Variants in NELL2 observed in about 807,000 individuals in gnomAD.
The protein encoded by NELL2 is neural EGFL like 2.
NELL2 carries 41 observed loss-of-function variants against 109.6 expected under a neutral mutation model. That is an observed-to-expected ratio of 0.37 (90% confidence interval 0.29 to 0.49). The LOEUF is 0.49. NELL2 is among the 20% of genes least tolerant of loss of function. The pLI is 0.98. For synonymous variants in NELL2, 355 were observed against 344.7 expected (o/e 1.03, Z -0.33); for missense variants, 900 against 1,008.3 (o/e 0.89, Z 1.45).
At chr12:44,828,601 A>C (rs561178868) in intron 2 of NELL2, among the ~76,000 whole-genome samples, 1 of 152,326 alleles carries the variant, frequency 6.6e-6, no homozygotes, top group African/African-American at 2.4e-5. Context: ...TTAATCAACT[A>C]ATCAAACAAA....
chr12:44,800,027 G>C (rs1942776420), intron 3 of NELL2, among the ~76,000 whole-genome samples: 1 of 152,046 alleles, frequency 6.6e-6, no homozygotes, highest in Non-Finnish European at 1.5e-5. Context: ...TCCTCAGAAT[G>C]CATTCACTCT....
At chr12:44,595,733 G>A (rs1011724441) in intron 15 of NELL2, among the ~76,000 whole-genome samples, 2 of 151,562 alleles carry the variant, frequency 1.3e-5, no homozygotes, top group East Asian at 1.9e-4. Flanking sequence ...GAGCCACCAC[G>A]CCTGGCCCCT....
intron 15 of NELL2, among the ~76,000 whole-genome samples, chr12:44,557,334 T>C (rs1300082112): frequency 6.6e-6 from 1 of 152,212 alleles, no homozygotes; most frequent in Non-Finnish European, 1.5e-5. Flanking sequence ...AAAATTCTTT[T>C]TCTGGTCTTA....
At position 44,876,151 on chromosome 12, in the gene NELL2, C is replaced by A. The variant is rs1945314885; in HGVS notation, c.-282G>T. On this transcript the variant is annotated 5_prime_UTR_variant, in exon 1 of 20. Transcript: ENST00000429094. The stretch of plus-strand genomic sequence containing the variant: ...GCCCGGAGGGAGGGGTCGGACTCGC[C>A]CCGGCGCGGCTCCGTCGGGGAATTA... 7.9e-7 allele frequency: 1 copy of A among 1,265,966 alleles called. No individual in the cohort carries two copies. The highest frequency in any genetic ancestry group is 1.0e-6 in the Non-Finnish European group (1 of 1,003,332). 78.4% of individuals were successfully genotyped at this position (1,265,966 alleles called of 1,614,324 possible).
At chr12:44,638,213 T>A (rs1343762131) in intron 13 of NELL2, among the ~76,000 whole-genome samples, 1 of 152,134 alleles carries the variant, frequency 6.6e-6, no homozygotes, top group African/African-American at 2.4e-5. Context: ...AAGGTGATTT[T>A]TAGACTTATT....
chr12:44,537,185 T>G (rs1454240117), intron 15 of NELL2, among the ~76,000 whole-genome samples: 3 of 151,614 alleles, frequency 2.0e-5, no homozygotes, highest in Non-Finnish European at 4.4e-5. Flanking sequence ...CAATGGCTTT[T>G]GCCAGCAGCA....
chr12:44,863,949 G>T (rs145123608), intron 2 of NELL2, among the ~76,000 whole-genome samples: 1 of 151,808 alleles, frequency 6.6e-6, no homozygotes, highest in East Asian at 1.9e-4. Flanking sequence ...AATGTGTAGA[G>T]TTTTTCTTAT....
chr12:44,733,575 T>TA (rs1939484887), intron 9 of NELL2, among the ~76,000 whole-genome samples: 1 of 151,968 alleles, frequency 6.6e-6, no homozygotes, highest in African/African-American at 2.4e-5. Flanking sequence ...AATAAGGAGT[T>TA]TCTATTCAAT....
intron 15 of NELL2, among the ~76,000 whole-genome samples, chr12:44,601,929 A>G (rs1028897258): frequency 1.3e-5 from 2 of 152,170 alleles, no homozygotes; most frequent in African/African-American, 2.4e-5. Flanking sequence ...CTTGACCACT[A>G]TGTTAAATTC....
At chr12:44,882,867 G>A (rs1945431122) in intron 1 of NELL2, among the ~76,000 whole-genome samples, 1 of 123,324 alleles carries the variant, frequency 8.1e-6, no homozygotes, top group Non-Finnish European at 1.6e-5. Context: ...TTGAGACAGA[G>A]TCTCCTTCTG....
intron 2 of NELL2, among the ~76,000 whole-genome samples, chr12:44,838,367 C>G (rs1944118982): frequency 1.3e-5 from 2 of 152,112 alleles, no homozygotes; most frequent in Admixed American, 1.3e-4. Flanking sequence ...GTATCAGTCC[C>G]TTGCCACACA....
At chr12:44,663,805 C>T (rs1947829833) in intron 13 of NELL2, among the ~76,000 whole-genome samples, 1 of 152,200 alleles carries the variant, frequency 6.6e-6, no homozygotes, top group South Asian at 2.1e-4. Flanking sequence ...ATATCCTGCC[C>T]TGCAGAAATA....
At chr12:44,745,125 C>T (rs1289656263) in intron 9 of NELL2, among the ~76,000 whole-genome samples, 1 of 152,178 alleles carries the variant, frequency 6.6e-6, no homozygotes, top group Non-Finnish European at 1.5e-5. Flanking sequence ...GGGCTTCATC[C>T]CTGGGATGCA....
chr12:44,610,921 T>C lies in NELL2; in HGVS notation c.1494A>G (p.Leu498=), dbSNP rs1262971877. ...TGTGTCCTCCAACAGTGTTGAAGCA[T>C]AAAGCATTTTCATCACAGTTGTGCT... ...TNQHNCDENA[L]CFNTVGGHNC... is the part of the protein sequence containing the mutation. The change falls in exon 14 of 20, where the codon TTA becomes TTG. Residue 498 remains leucine (L), a synonymous_variant. Transcript: ENST00000429094. 1 of 1,612,922 alleles carries C rather than the reference T, an allele frequency of 6.2e-7. No homozygotes were observed. Among genetic ancestry groups the C allele is most frequent in the Non-Finnish European group, 8.5e-7 (1 of 1,179,268 alleles).
intron 9 of NELL2, among the ~76,000 whole-genome samples, chr12:44,738,387 C>T (rs1939764057): frequency 6.6e-6 from 1 of 151,130 alleles, no homozygotes; most frequent in African/African-American, 2.4e-5. Context: ...AGCCAAGATA[C>T]AGAAACATGG....
rs992575195 is a variant in NELL2 at position 44,795,001 on chromosome 12, T to C, written c.336-14979A>G. Among the ~76,000 whole-genome samples the C allele has an allele frequency of 3.9e-5, 6 of 152,220 alleles. No homozygotes were observed. In the South Asian group the frequency reaches 6.2e-4, roughly 16 times the overall value. ...CCTTGTTAGTCAAATATCCTTTGCA[T>C]TGGCAGAAACATAAACTAACTTAAG... On this transcript the variant is annotated intron_variant, in intron 3 of 19. Transcript: ENST00000429094.
At chr12:44,712,966 G>A (rs1260740189) in intron 10 of NELL2, among the ~76,000 whole-genome samples, 1 of 151,764 alleles carries the variant, frequency 6.6e-6, no homozygotes, top group African/African-American at 2.4e-5. Flanking sequence ...GGTGCCTTTT[G>A]TTTGAGCAAA....
chr12:44,746,614 C>T (rs989532012), intron 9 of NELL2, among the ~76,000 whole-genome samples: 1 of 152,060 alleles, frequency 6.6e-6, no homozygotes, highest in African/African-American at 2.4e-5. Context: ...AAAAAACAAA[C>T]AACCCCATCA....
chr12:44,778,685 G>A (rs2136594988), intron 5 of NELL2, among the ~76,000 whole-genome samples: 1 of 152,252 alleles, frequency 6.6e-6, no homozygotes, highest in East Asian at 1.9e-4. Context: ...TCCTATTTGT[G>A]TCACTTACTA....
Sources: allele counts gnomAD v4.1 joint callset (sites outside exome capture counted in the v4.1 genomes callset), GRCh38; gene constraint gnomAD v4.1.1; transcripts MANE v1.5; gene names NCBI Gene and HGNC (gene_info 2026-07-23, HGNC 2026-07-21).